CLDN14: variants seen among roughly 807,000 people sequenced by gnomAD.
The protein encoded by CLDN14 is claudin-14.
Under a neutral mutation model 2.1 loss-of-function variants are expected in CLDN14, and 2 were observed. That is an observed-to-expected ratio of 0.96 (90% CI 0.39 to 3.01). The LOEUF (loss-of-function observed/expected upper bound fraction) is 3.01. Among genes scored for constraint, CLDN14 ranks in the 30% most tolerant of loss-of-function variants. The pLI, the probability that CLDN14 is intolerant of heterozygous loss-of-function variation, is 0.09. For missense variants in CLDN14, 298 were observed against 328.0 expected (o/e 0.91, Z 0.71); for synonymous variants, 136 against 154.4 (o/e 0.88, Z 0.88).
intron 1 of CLDN14, among the ~76,000 whole-genome samples, chr21:36,554,229 C>G (rs761967364): frequency 4.6e-5 from 7 of 152,198 alleles, no homozygotes; most frequent in Middle Eastern, 3.2e-3. Flanking sequence ...CCCAACCCCC[C>G]CAGGCCCTGG....
intron 2 of CLDN14, among the ~76,000 whole-genome samples, chr21:36,488,071 C>T (rs776379466): frequency 6.6e-5 from 10 of 152,140 alleles, no homozygotes; most frequent in African/African-American, 1.2e-4. Context: ...CACTGAGAGA[C>T]GAATGGATAA....
At chr21:36,523,590 T>C (rs2087290023) in intron 1 of CLDN14, among the ~76,000 whole-genome samples, 1 of 150,592 alleles carries the variant, frequency 6.6e-6, no homozygotes, top group African/African-American at 2.4e-5. Flanking sequence ...CTACTAAAAA[T>C]ACAAAAAATT....
rs58458004 is a variant in CLDN14, at chr21:36,501,332, C to CTTTTTTTTTTTTTTTT, written c.-82+9015_-82+9030dup. ...AATGGGAGTTTCAGTCAATATCTCA[C>CTTTTTTTTTTTTTTTT]TTTTTTTTTTTTTTTTTTTTTTTTT... On this transcript the variant is annotated intron_variant, in intron 2 of 2. Coordinates refer to the CLDN14 transcript ENST00000342108. Among the ~76,000 whole-genome samples the CTTTTTTTTTTTTTTTT allele has an allele frequency of 4.3e-4, 21 of 48,442 alleles. 7 individuals are homozygous for CTTTTTTTTTTTTTTTT. The highest frequency in any genetic ancestry group is 1.9e-3 in the East Asian group (2 of 1,054). The allele number at this position is 48,442 out of a possible 152,430, so 31.8% of individuals were successfully genotyped here. A position where few individuals can be genotyped will look rare whatever the true frequency, so the allele number is the denominator to read the frequency against.
At position 36,461,365 on chromosome 21, in the gene CLDN14, T is replaced by A. The variant is rs1343807917; in HGVS notation, c.331A>T (p.Thr111Ser). 1.3e-5 allele frequency: 21 copies of A among 1,612,914 alleles called. No individual in the cohort carries two copies. Among genetic ancestry groups the A allele is most frequent in the Admixed American group, 1.7e-5 (1 of 60,002 alleles). ...ATGGCAAAGGTGGTCTTGGCGGGTG[T>A]GCCCTTGGCGCAGCGCGTGCACTTC... The part of the protein sequence containing the change: ...GMKCTRCAKG[T>S]PAKTTFAILG... Residue 111 changes from threonine (T) to serine (S), a missense_variant, in exon 2 of 2, where the codon ACA (threonine) becomes TCA (serine). Thr to Ser is a moderately conservative substitution (Grantham distance 58). Coordinates refer to ENST00000399135, the MANE Select transcript of CLDN14 (RefSeq NM_001146079.2).
At chr21:36,528,934 G>A (rs1336668790) in intron 1 of CLDN14, among the ~76,000 whole-genome samples, 2 of 152,152 alleles carry the variant, frequency 1.3e-5, no homozygotes. Flanking sequence ...GCTCGGCTGC[G>A]GCTGACAGCA....
chr21:36,542,986 A>G (rs2087502083), intron 1 of CLDN14: 1 of 152,346 alleles, frequency 6.6e-6, no homozygotes. Flanking sequence ...ATGCCTGCGC[A>G]TAAAACAGGA....
intron 1 of CLDN14, among the ~76,000 whole-genome samples, chr21:36,541,982 G>A (rs2087492630): frequency 6.6e-6 from 1 of 152,158 alleles, no homozygotes; most frequent in East Asian, 1.9e-4. Flanking sequence ...TTTGCAGCCA[G>A]AGTCTCCCTC....
chr21:36,521,098 T>A (rs774405933), intron 1 of CLDN14, among the ~76,000 whole-genome samples: 1 of 152,170 alleles, frequency 6.6e-6, no homozygotes, highest in Non-Finnish European at 1.5e-5. Context: ...AAATCACTTA[T>A]TTTTTGGATA....
At chr21:36,548,205 A>G (rs953675061) in intron 1 of CLDN14, among the ~76,000 whole-genome samples, 1 of 148,494 alleles carries the variant, frequency 6.7e-6, no homozygotes, top group African/African-American at 2.5e-5. Context: ...TAGTAAGTCA[A>G]CCCCCCTCAT....
chr21:36,516,038 T>C (rs1208616481), intron 1 of CLDN14, among the ~76,000 whole-genome samples: 1 of 152,008 alleles, frequency 6.6e-6, no homozygotes, highest in Non-Finnish European at 1.5e-5. Flanking sequence ...TCCCCCTGCC[T>C]CGGCCTCCCA....
intron 1 of CLDN14, among the ~76,000 whole-genome samples, chr21:36,537,061 A>T (rs1417557434): frequency 1.3e-5 from 2 of 152,168 alleles, no homozygotes; most frequent in Non-Finnish European, 2.9e-5. Context: ...GTGGTGGCGC[A>T]TGCCTGTAAT....
At chr21:36,537,235 CAG>C (rs146602302) in intron 1 of CLDN14, among the ~76,000 whole-genome samples, 10 of 150,718 alleles carry the variant, frequency 6.6e-5, no homozygotes, top group Middle Eastern at 3.2e-3. Flanking sequence ...AACAAATCTG[CAG>C]AGAGAGAGAG....
chr21:36,565,968 T>A (rs1225067636), intron 1 of CLDN14, among the ~76,000 whole-genome samples: 1 of 152,248 alleles, frequency 6.6e-6, no homozygotes, highest in African/African-American at 2.4e-5. Flanking sequence ...CTTTTTACAG[T>A]TATTTTTTAG....
chr21:36,561,575 G>A (rs117586555), intron 1 of CLDN14, among the ~76,000 whole-genome samples: 560 of 152,244 alleles, frequency 3.7e-3, no homozygotes, highest in Non-Finnish European at 6.0e-3. Flanking sequence ...TCTGCCACAC[G>A]CAGCTCTTCC....
chr21:36,485,974 C>T, intron 2 of CLDN14: 1 of 1,433,636 alleles, frequency 7.0e-7, no homozygotes, highest in South Asian at 1.2e-5. Flanking sequence ...CTACCCTTTC[C>T]CTCCAGTCTC....
intron 1 of CLDN14, among the ~76,000 whole-genome samples, chr21:36,533,797 A>C (rs139272422): frequency 6.6e-6 from 1 of 152,176 alleles, no homozygotes; most frequent in African/African-American, 2.4e-5. Context: ...TGATGAGAAC[A>C]CATGGACACA....
chr21:36,539,703 TGA>T (rs2087467997), intron 1 of CLDN14, among the ~76,000 whole-genome samples: 1 of 140,082 alleles, frequency 7.1e-6, no homozygotes, highest in African/African-American at 2.7e-5. Context: ...GTGTGCAGAG[TGA>T]GTGTACGGTG....
intron 1 of CLDN14, among the ~76,000 whole-genome samples, chr21:36,531,538 T>C (rs1339050080): frequency 6.6e-6 from 1 of 151,968 alleles, no homozygotes; most frequent in Non-Finnish European, 1.5e-5. Flanking sequence ...GTACTAAGAT[T>C]ACAGGCATGA....
rs1417403032 is a variant in CLDN14 at position 36,498,703 on chromosome 21, G to A, written c.-82+11660C>T. ...TGGCTGTGGCAGACAGCAGCCTACAGAAAGGTGGGGGCACCTCTCAGCTGG... is the reference window on the plus strand; with the variant it reads ...TGGCTGTGGCAGACAGCAGCCTACAAAAAGGTGGGGGCACCTCTCAGCTGG... On this transcript the variant is annotated intron_variant, in intron 2 of 2. Coordinates refer to the CLDN14 transcript ENST00000342108. This position sits in a 1 kb window ranked among gnomAD's most constrained non-coding sequence, Gnocchi z 4.9. Among the ~76,000 whole-genome samples, 1 of 152,178 alleles carries A rather than the reference G, an allele frequency of 6.6e-6. No individual in the cohort carries two copies. The highest frequency in any genetic ancestry group is 2.4e-5 in the African/African-American group (1 of 41,450).
Sources: allele counts gnomAD v4.1 joint callset (sites outside exome capture counted in the v4.1 genomes callset), GRCh38; gene constraint gnomAD v4.1.1; non-coding constraint Gnocchi (gnomAD v3.1); transcripts MANE v1.5; gene names NCBI Gene and HGNC (gene_info 2026-07-23, HGNC 2026-07-21).